Variants in GHR observed in about 807,000 individuals in gnomAD.
GHR encodes the protein growth hormone receptor, also known as GH receptor.
GHR carries 35 observed loss-of-function variants against 67.1 expected under a neutral mutation model. The observed-to-expected ratio is 0.52, with a 90% CI of 0.40 to 0.69. GHR has a LOEUF of 0.69. Ranked by LOEUF, GHR falls within the 30% of genes least tolerant of loss-of-function variation. GHR has a pLI of 0.00. For missense variants in GHR, 792 were observed against 764.6 expected (o/e 1.04, Z -0.42); for synonymous variants, 272 against 269.1 (o/e 1.01, Z -0.10).
intron 4 of GHR, among the ~76,000 whole-genome samples, chr5:42,689,468 G>A (rs1757319187): frequency 6.6e-6 from 1 of 152,138 alleles, no homozygotes. Flanking sequence ...GAGAGTGTGT[G>A]TAAAAGGCTT....
chr5:42,468,515 ACCTCAGCT>A, intron 1 of GHR: 2 of 781,156 alleles, frequency 2.6e-6, no homozygotes, highest in Non-Finnish European at 4.2e-6. Flanking sequence ...GGGGACCAGG[ACCTCAGCT>A]CCTACTGGCA....
rs35413603 is a variant in GHR at position 42,718,252 on chromosome 5, AT to A, written c.945+138del. On this transcript the variant is annotated intron_variant, in intron 9 of 9. Coordinates refer to ENST00000230882, the MANE Select transcript of GHR (RefSeq NM_000163.5). ...TCTTGTGTCTCTTCTCCTGGAGAAA[AT>A]TTTTTTAAATATTCTATTTCTTAAA... The A allele has an allele frequency of 2.3e-3, 1,655 of 716,104 alleles. 17 individuals are homozygous for A. The African/African-American group carries it at 0.024, about 11-fold the overall frequency. The allele number at this position is 716,104 out of a possible 1,614,324, so 44.4% of individuals were successfully genotyped here. A position where few individuals can be genotyped will look rare whatever the true frequency, so the allele number is the denominator to read the frequency against.
At chr5:42,567,238 T>TA (rs1178310876) in intron 2 of GHR, among the ~76,000 whole-genome samples, 1 of 152,202 alleles carries the variant, frequency 6.6e-6, no homozygotes, top group Non-Finnish European at 1.5e-5. Flanking sequence ...TTGAGGAATT[T>TA]AAAAAACTTG....
At chr5:42,636,071 G>A (rs968717252) in intron 3 of GHR, among the ~76,000 whole-genome samples, 1 of 151,770 alleles carries the variant, frequency 6.6e-6, no homozygotes, top group Admixed American at 6.6e-5. Context: ...TTAGCCGGGC[G>A]TGGTGGCGGG....
At chr5:42,706,625 G>T (rs997915069) in intron 6 of GHR, among the ~76,000 whole-genome samples, 2 of 152,062 alleles carry the variant, frequency 1.3e-5, no homozygotes, top group Non-Finnish European at 2.9e-5. Context: ...CAGTTACCCA[G>T]CACCATTTAT....
Position 42,721,735 on chromosome 5 carries a change from T to C in GHR, c.*2311T>C, listed in dbSNP as rs999690001. On this transcript the variant is annotated 3_prime_UTR_variant, in exon 10 of 10. Transcript: ENST00000230882. ...GGCCACATAAGCCATTATTCACTAG[T>C]ATGACTAGTTGTGTCTGGCAGTTTA... 1 of 152,656 alleles carries C rather than the reference T, an allele frequency of 6.6e-6. No homozygotes were observed. Among genetic ancestry groups the C allele is most frequent in the African/African-American group, 2.4e-5 (1 of 41,460 alleles). The allele number at this position is 152,656 out of a possible 1,614,324, so 9.5% of individuals were successfully genotyped here.
chr5:42,428,071 C>T (rs187604158), intron 1 of GHR, among the ~76,000 whole-genome samples: 1 of 152,366 alleles, frequency 6.6e-6, no homozygotes, highest in Non-Finnish European at 1.5e-5. Context: ...TCCAACCCCA[C>T]ATTTCTTTTC....
At chr5:42,699,341 G>A (rs369728737) in intron 5 of GHR, among the ~76,000 whole-genome samples, 1 of 129,780 alleles carries the variant, frequency 7.7e-6, no homozygotes, top group African/African-American at 2.9e-5. Context: ...ATGAGTCAGG[G>A]AACAACACAG....
intron 2 of GHR, among the ~76,000 whole-genome samples, chr5:42,624,403 T>C (rs1334925472): frequency 2.0e-5 from 3 of 152,182 alleles, no homozygotes; most frequent in African/African-American, 7.2e-5. Flanking sequence ...ATTAGTTTTC[T>C]CAGATTCAAG....
chr5:42,646,322 C>T (rs1754724455), intron 3 of GHR: 2 of 454,350 alleles, frequency 4.4e-6, no homozygotes, highest in Non-Finnish European at 8.8e-6. Context: ...ATCCATTCTT[C>T]TCTTTGCAGG....
chr5:42,485,442 GT>G (rs1745835893), intron 1 of GHR, among the ~76,000 whole-genome samples: 1 of 152,054 alleles, frequency 6.6e-6, no homozygotes, highest in African/African-American at 2.4e-5. Flanking sequence ...GTACTTACTT[GT>G]TTTTCCCCCT....
intron 1 of GHR, among the ~76,000 whole-genome samples, chr5:42,442,307 A>G (rs551627655): frequency 4.6e-5 from 7 of 152,312 alleles, no homozygotes; most frequent in Admixed American, 2.6e-4. Flanking sequence ...GATGATCATG[A>G]ATTCATGGTA....
At chr5:42,626,122 C>G (rs559377037) in intron 2 of GHR, among the ~76,000 whole-genome samples, 2 of 152,264 alleles carry the variant, frequency 1.3e-5, no homozygotes, top group South Asian at 4.1e-4. Context: ...TCTCCCCACA[C>G]AAATTCTCCA....
chr5:42,675,789 G>A (rs1756543859), intron 3 of GHR, among the ~76,000 whole-genome samples: 1 of 152,162 alleles, frequency 6.6e-6, no homozygotes, highest in Non-Finnish European at 1.5e-5. Flanking sequence ...TATAGGCTGT[G>A]ACCACATAAC....
intron 2 of GHR, among the ~76,000 whole-genome samples, chr5:42,574,421 C>T (rs146383873): frequency 2.0e-3 from 312 of 152,348 alleles, no homozygotes; most frequent in Middle Eastern, 3.4e-3. Context: ...TTCGTAAGCA[C>T]GGTTGACTAG....
intron 3 of GHR, among the ~76,000 whole-genome samples, chr5:42,635,493 T>C (rs1479200829): frequency 1.3e-5 from 2 of 152,224 alleles, no homozygotes; most frequent in African/African-American, 4.8e-5. Flanking sequence ...AACAACAGTC[T>C]TTACTTATAT....
intron 1 of GHR, among the ~76,000 whole-genome samples, chr5:42,451,375 A>G (rs1744040708): frequency 6.6e-6 from 1 of 151,090 alleles, no homozygotes; most frequent in South Asian, 2.1e-4. Flanking sequence ...TTTTATCATT[A>G]TATAATGTCC....
At chr5:42,547,611 C>T (rs1383962130) in intron 1 of GHR, among the ~76,000 whole-genome samples, 1 of 152,064 alleles carries the variant, frequency 6.6e-6, no homozygotes, top group Non-Finnish European at 1.5e-5. Context: ...CCCTAAACTA[C>T]GTTTTCTAAA....
intron 1 of GHR, among the ~76,000 whole-genome samples, chr5:42,520,575 G>T (rs1398135330): frequency 6.6e-6 from 1 of 152,140 alleles, no homozygotes; most frequent in Non-Finnish European, 1.5e-5. Flanking sequence ...TTGATATCAA[G>T]ATTATTAGGG....
Sources: allele counts gnomAD v4.1 joint callset (sites outside exome capture counted in the v4.1 genomes callset), GRCh38; gene constraint gnomAD v4.1.1; transcripts MANE v1.5; gene names NCBI Gene and HGNC (gene_info 2026-07-23, HGNC 2026-07-21).